FGF14: variants seen among roughly 807,000 people sequenced by gnomAD.
The protein encoded by FGF14 is fibroblast growth factor homologous factor 4.
In FGF14, 5 loss-of-function variants were observed where a neutral mutation model predicts 25.5. The ratio of observed to expected loss-of-function variants is 0.20; its 90% CI spans 0.10 to 0.41. FGF14 has a LOEUF of 0.41. Among genes scored for constraint, FGF14 ranks in the 10% least tolerant of loss-of-function variants. The pLI, the probability that FGF14 is intolerant of heterozygous loss-of-function variation, is 1.00. For missense variants in FGF14, 222 were observed against 320.1 expected (o/e 0.69, Z 2.34); for synonymous variants, 138 against 118.3 (o/e 1.17, Z -1.08).
intron 1 of FGF14, among the ~76,000 whole-genome samples, chr13:102,315,785 A>G (rs989542234): frequency 4.6e-5 from 7 of 152,220 alleles, no homozygotes; most frequent in Non-Finnish European, 1.0e-4. Context: ...TAAGACCTCA[A>G]ATACAGCAAG....
At chr13:102,326,667 GGGGAAGGGAA>G (rs1334021858) in intron 1 of FGF14, among the ~76,000 whole-genome samples, 49 of 74,832 alleles carry the variant, frequency 6.5e-4, no homozygotes, top group African/African-American at 8.6e-4. Flanking sequence ...GGGGAAGGGA[GGGGAAGGGAA>G]GGGAAGGGAA....
intron 3 of FGF14, among the ~76,000 whole-genome samples, chr13:101,762,204 T>A (rs913274266): frequency 6.6e-6 from 1 of 152,186 alleles, no homozygotes; most frequent in South Asian, 2.1e-4. Flanking sequence ...TGTGCCTATG[T>A]GAAAGAGGGT....
chr13:101,886,576 C>T (rs915752148), intron 1 of FGF14, among the ~76,000 whole-genome samples: 1 of 152,070 alleles, frequency 6.6e-6, no homozygotes, highest in Non-Finnish European at 1.5e-5. Flanking sequence ...TACGTAAGAC[C>T]TGAAACTTTA....
intron 1 of FGF14, among the ~76,000 whole-genome samples, chr13:101,985,080 GT>G (rs71125040): frequency 0.028 from 3,831 of 134,662 alleles, 101 homozygotes; most frequent in African/African-American, 0.087. Context: ...TTTTTTTTTT[GT>G]TTTTTTTTTT....
intron 3 of FGF14, among the ~76,000 whole-genome samples, chr13:101,867,986 T>C (rs1038485553): frequency 3.9e-5 from 6 of 152,038 alleles, no homozygotes; most frequent in African/African-American, 9.7e-5. Context: ...TTGGTGGTGA[T>C]ATTTAACAAT....
intron 1 of FGF14, among the ~76,000 whole-genome samples, chr13:102,256,131 T>C (rs1326473731): frequency 6.6e-6 from 1 of 152,026 alleles, no homozygotes; most frequent in African/African-American, 2.4e-5. Flanking sequence ...TTTGGAAATA[T>C]AAAGGGATGG....
intron 1 of FGF14, among the ~76,000 whole-genome samples, chr13:102,184,558 G>A (rs959131099): frequency 1.3e-5 from 2 of 152,154 alleles, no homozygotes; most frequent in African/African-American, 4.8e-5. Flanking sequence ...AAGAAGATTA[G>A]TTGGACAATT....
intron 1 of FGF14, among the ~76,000 whole-genome samples, chr13:101,875,899 GA>G (rs2045362829): frequency 1.3e-5 from 2 of 152,054 alleles, no homozygotes. Flanking sequence ...ATATTCACAG[GA>G]AAACGGAAAA....
chr13:102,260,639 G>A (rs938666887), intron 1 of FGF14, among the ~76,000 whole-genome samples: 4 of 152,238 alleles, frequency 2.6e-5, no homozygotes, highest in African/African-American at 7.2e-5. Context: ...TTGCTGTAAC[G>A]TGCCAAGAGG....
chr13:101,887,328 G>GTGTGTATATA (rs372585813), intron 1 of FGF14, among the ~76,000 whole-genome samples: 1 of 147,640 alleles, frequency 6.8e-6, no homozygotes, highest in African/African-American at 2.5e-5. Context: ...ATATATGTGT[G>GTGTGTATATA]TATATATATA....
intron 3 of FGF14, among the ~76,000 whole-genome samples, chr13:101,819,992 A>G (rs2042032660): frequency 6.6e-6 from 1 of 152,190 alleles, no homozygotes; most frequent in African/African-American, 2.4e-5. Flanking sequence ...AAGATCCACA[A>G]GCTTTTGGAA....
chr13:101,754,424 C>A (rs2037508086), intron 3 of FGF14, among the ~76,000 whole-genome samples: 2 of 152,060 alleles, frequency 1.3e-5, no homozygotes, highest in South Asian at 2.1e-4. Context: ...CTAGAGTATA[C>A]CTTCATTTTA....
chr13:102,328,502 T>A (rs1281930037), intron 1 of FGF14, among the ~76,000 whole-genome samples: 1 of 152,198 alleles, frequency 6.6e-6, no homozygotes, highest in African/African-American at 2.4e-5. Context: ...CTTGTAGTTA[T>A]TTGCTAGAAT....
intron 3 of FGF14, among the ~76,000 whole-genome samples, chr13:101,859,518 C>T (rs1466204031): frequency 1.3e-5 from 2 of 152,054 alleles, no homozygotes; most frequent in Non-Finnish European, 2.9e-5. Context: ...GCTGAAAGAG[C>T]AAATAAATGA....
chr13:102,093,743 T>C (rs1717737303), intron 1 of FGF14, among the ~76,000 whole-genome samples: 2 of 151,720 alleles, frequency 1.3e-5, no homozygotes, highest in African/African-American at 4.8e-5. Context: ...GCTTGGTATG[T>C]ATTACAGATT....
chr13:101,848,671 A>C (rs1430054262), intron 3 of FGF14, among the ~76,000 whole-genome samples: 1 of 152,066 alleles, frequency 6.6e-6, no homozygotes. Flanking sequence ...ACTAATTCTC[A>C]AATGGTTTGA....
Position 102,087,407 on chromosome 13 carries a change from C to CTTTTTTTTT in FGF14, c.209-212120_209-212112dup, listed in dbSNP as rs71125043. On this transcript the variant is annotated intron_variant, in intron 1 of 4. Coordinates refer to the FGF14 transcript ENST00000376131. ...AATAGTAAAAAATAGACTGTAATTTCTTTTTTTTTTTTTTTTTTTTTTGAG... is the reference window on the plus strand; with the variant it reads ...AATAGTAAAAAATAGACTGTAATTTCTTTTTTTTTTTTTTTTTTTTTTTTTTTTTTTGAG... Among the ~76,000 whole-genome samples, 136 of 84,436 alleles carry CTTTTTTTTT rather than the reference C, an allele frequency of 1.6e-3. 12 individuals carry two copies. Among genetic ancestry groups the CTTTTTTTTT allele is most frequent in the African/African-American group, 4.0e-3 (91 of 22,708 alleles). 55.4% of individuals were successfully genotyped at this position (84,436 alleles called of 152,430 possible).
intron 1 of FGF14, among the ~76,000 whole-genome samples, chr13:102,161,646 G>GTC (rs1566765117): frequency 0.061 from 884 of 14,542 alleles, 107 homozygotes; most frequent in African/African-American, 0.17. Context: ...AGAAGAAGAA[G>GTC]AAGAAGAAGA....
chr13:102,069,642 C>A (rs2043072576), intron 1 of FGF14, among the ~76,000 whole-genome samples: 1 of 151,888 alleles, frequency 6.6e-6, no homozygotes, highest in East Asian at 1.9e-4. Context: ...TAACACTGAC[C>A]ACAAAGGTCT....
Sources: allele counts gnomAD v4.1 joint callset (sites outside exome capture counted in the v4.1 genomes callset), GRCh38; gene constraint gnomAD v4.1.1; transcripts MANE v1.5; gene names NCBI Gene and HGNC (gene_info 2026-07-23, HGNC 2026-07-21).